Variants in MPC2 observed in about 807,000 individuals in gnomAD.
The protein encoded by MPC2 is mitochondrial pyruvate carrier 2, also known as brain protein 44.
A neutral mutation model predicts 19.2 loss-of-function variants in MPC2; 19 were observed. The observed-to-expected ratio is 0.99, with a 90% CI of 0.69 to 1.45. MPC2 has a LOEUF of 1.45. Ranked by LOEUF, MPC2 falls within the 40% of genes most tolerant of loss-of-function variation. The pLI is 0.00. For synonymous variants in MPC2, 61 were observed against 54.3 expected (o/e 1.12, Z -0.54); for missense variants, 122 against 153.0 (o/e 0.80, Z 1.07).
chr1:167,918,095 G>T lies in MPC2; in HGVS notation c.*228C>A. On this transcript the variant is annotated 3_prime_UTR_variant, in exon 6 of 6. Coordinates refer to ENST00000271373, the MANE Select transcript of MPC2 (RefSeq NM_001143674.4). ...TATACGAGCAAGTATGGTTTATTAC[G>T]GACAAATGGTAGAAAAATGTTACTA... 2.4e-6 allele frequency: 1 copy of T among 424,612 alleles called. No individual in the cohort carries two copies. Among genetic ancestry groups the T allele is most frequent in the Non-Finnish European group, 4.2e-6 (1 of 237,898 alleles). 26.3% of individuals were successfully genotyped at this position (424,612 alleles called of 1,614,324 possible).
chr1:167,932,505 C>T (rs1292353433), intron 2 of MPC2, among the ~76,000 whole-genome samples: 1 of 152,006 alleles, frequency 6.6e-6, no homozygotes, highest in African/African-American at 2.4e-5. Flanking sequence ...TTTTCCTTAA[C>T]TAAGCTTTTA....
At position 167,935,888 on chromosome 1, in the gene MPC2, C is replaced by G. The variant is rs1276505479; in HGVS notation, c.-47G>C. 6 of 1,424,058 alleles carry G rather than the reference C, an allele frequency of 4.2e-6. No individual in the cohort carries two copies. Among genetic ancestry groups the G allele is most frequent in the South Asian group, 3.7e-5 (3 of 81,292 alleles). 88.2% of individuals were successfully genotyped at this position (1,424,058 alleles called of 1,614,324 possible). The stretch of plus-strand genomic sequence containing the variant: ...AGCCGGGTGGGAGCGTGGCTGTGTT[C>G]TCGTCCCTGGCTGACAACGAAGGGG... On this transcript the variant is annotated 5_prime_UTR_variant, in exon 2 of 6. Coordinates refer to ENST00000271373, the MANE Select transcript of MPC2 (RefSeq NM_001143674.4).
chr1:167,934,633 A>T (rs527764164), intron 2 of MPC2, among the ~76,000 whole-genome samples: 1 of 152,318 alleles, frequency 6.6e-6, no homozygotes, highest in African/African-American at 2.4e-5. Context: ...ACCAGTTCAG[A>T]CTCCAGAGAG....
intron 3 of MPC2, among the ~76,000 whole-genome samples, chr1:167,922,007 C>A (rs1446050809): frequency 2.6e-5 from 4 of 152,114 alleles, no homozygotes; most frequent in African/African-American, 9.7e-5. Flanking sequence ...TGTTTGAAGG[C>A]ATATGGTCTG....
intron 4 of MPC2, 105 bp downstream of exon 4, chr1:167,920,442 G>T: frequency 8.9e-7 from 1 of 1,127,010 alleles, no homozygotes; most frequent in Non-Finnish European, 1.3e-6. Flanking sequence ...ATTCCTTTGT[G>T]TGTGGGTGTA....
intron 2 of MPC2, 29 bp from the exon 3 acceptor site, chr1:167,924,566 G>A: frequency 6.8e-7 from 1 of 1,462,420 alleles, no homozygotes; most frequent in Non-Finnish European, 9.1e-7. Context: ...GAAAAATTCA[G>A]GAATAAACCA....
At chr1:167,936,545 C>G (rs1418786320) in intron 1 of MPC2, 1 of 275,626 alleles carries the variant, frequency 3.6e-6, no homozygotes, top group Non-Finnish European at 7.0e-6. Flanking sequence ...GCCTCAGTCC[C>G]CAGGGTGGTC....
At chr1:167,926,041 T>C (rs567642534) in intron 2 of MPC2, among the ~76,000 whole-genome samples, 3 of 152,362 alleles carry the variant, frequency 2.0e-5, no homozygotes, top group Non-Finnish European at 2.9e-5. Flanking sequence ...ATTAGAATAA[T>C]TCTTCAAACA....
chr1:167,932,463 T>C (rs911341007), intron 2 of MPC2, among the ~76,000 whole-genome samples: 4 of 152,120 alleles, frequency 2.6e-5, no homozygotes, highest in Non-Finnish European at 5.9e-5. Context: ...CAAATACAAA[T>C]AAATGACACT....
In MPC2 at chr1:167,924,506, A is replaced by G; in HGVS notation, c.141T>C (p.Ile47=). 1 of 1,590,594 alleles carries G rather than the reference A, an allele frequency of 6.3e-7. No individual in the cohort carries two copies. The highest frequency in any genetic ancestry group is 8.5e-7 in the Non-Finnish European group (1 of 1,170,486). ...GPRTVFFWAP[I]MKWGLVCAGL... ...AAAACTCAAGACTTACCCATTTCAT[A>G]ATTGGAGCCCAGAAGAAAACTGTTC... Residue 47 remains isoleucine (I), a synonymous_variant, in exon 3 of 6, where the codon ATT becomes ATC. Coordinates refer to ENST00000271373, the MANE Select transcript of MPC2 (RefSeq NM_001143674.4).
chr1:167,925,786 A>G (rs1452175075), intron 2 of MPC2, among the ~76,000 whole-genome samples: 2 of 151,974 alleles, frequency 1.3e-5, no homozygotes, highest in South Asian at 2.1e-4. Flanking sequence ...TGACCTTGTG[A>G]TCTGCCCGCC....
rs143150631 is a variant in MPC2, at chr1:167,923,424, TA to T, written c.150+1072del. Among the ~76,000 whole-genome samples, 688 of 152,296 alleles carry T rather than the reference TA, an allele frequency of 4.5e-3. 8 individuals are homozygous for T. In the East Asian group the frequency reaches 0.056, roughly 12 times the overall value. ...TTAATGTACCTTGTGGACATTATGC[TA>T]GGGGAAATAAGCCAACTACAAAAAG... On this transcript the variant is annotated intron_variant, in intron 3 of 5. Transcript: ENST00000271373.
chr1:167,918,594 C>G (rs1571503603), intron 5 of MPC2, among the ~76,000 whole-genome samples: 1 of 133,190 alleles, frequency 7.5e-6, no homozygotes, highest in African/African-American at 2.8e-5. Flanking sequence ...CTGCCAAAAA[C>G]TTTTTTTTTT....
chr1:167,925,442 C>CGT (rs1553200802), intron 2 of MPC2, among the ~76,000 whole-genome samples: 2,600 of 81,750 alleles, frequency 0.032, 59 homozygotes, highest in African/African-American at 0.073. Context: ...TACATATACA[C>CGT]ATATATATAT....
chr1:167,935,451 A>C (rs1270794620), intron 2 of MPC2, among the ~76,000 whole-genome samples: 1 of 152,236 alleles, frequency 6.6e-6, no homozygotes, highest in Non-Finnish European at 1.5e-5. Context: ...GAAGTTGAGA[A>C]GGCTCAAATC....
intron 3 of MPC2, among the ~76,000 whole-genome samples, chr1:167,923,182 T>C (rs1670645363): frequency 6.6e-6 from 1 of 152,190 alleles, no homozygotes. Context: ...GATCTAGCAA[T>C]TCAACTTCTG....
At chr1:167,923,502 A>G (rs1482294700) in intron 3 of MPC2, among the ~76,000 whole-genome samples, 1 of 152,164 alleles carries the variant, frequency 6.6e-6, no homozygotes, top group Non-Finnish European at 1.5e-5. Context: ...AGTGAAATTC[A>G]TAGAGACAGA....
intron 2 of MPC2, among the ~76,000 whole-genome samples, chr1:167,935,532 T>C (rs903822924): frequency 6.6e-6 from 1 of 152,154 alleles, no homozygotes; most frequent in African/African-American, 2.4e-5. Context: ...GGGAGCTGAC[T>C]TGAGATACGT....
At chr1:167,919,190 C>G (rs1210111615) in intron 5 of MPC2, among the ~76,000 whole-genome samples, 1 of 152,200 alleles carries the variant, frequency 6.6e-6, no homozygotes, top group Non-Finnish European at 1.5e-5. Context: ...ATTGGGTTAA[C>G]AGCCTGTAAA....
Sources: gnomAD v4.1 joint callset for allele counts (sites outside exome capture counted in the v4.1 genomes callset) on GRCh38, gnomAD v4.1.1 for gene constraint, MANE v1.5 for transcripts, NCBI Gene and HGNC (gene_info 2026-07-23, HGNC 2026-07-21) for gene names.